The following TIAM1 variants were observed in gnomAD, a reference collection of about 807,000 sequenced individuals.
The protein encoded by TIAM1 is rho guanine nucleotide exchange factor TIAM1.
TIAM1 carries 65 observed loss-of-function variants against 163.5 expected under a neutral mutation model. The ratio of observed to expected loss-of-function variants is 0.40; its 90% CI spans 0.33 to 0.49. TIAM1 has a LOEUF of 0.49. Among genes scored for constraint, TIAM1 ranks in the 20% least tolerant of loss-of-function variants. The pLI is 0.77. For synonymous variants in TIAM1, 833 were observed against 810.1 expected, an observed-to-expected ratio of 1.03 and a Z score of -0.48; for missense variants, 1,789 against 2,044.7, an observed-to-expected ratio of 0.87 and a Z score of 2.41.
chr21:31,506,299 T>C (rs1231639643), intron 1 of TIAM1, among the ~76,000 whole-genome samples: 1 of 150,114 alleles, frequency 6.7e-6, no homozygotes, highest in African/African-American at 2.4e-5. Flanking sequence ...TCTGCATCTT[T>C]TTCCTCCCTT....
chr21:31,546,004 G>C (rs1007470351), intron 1 of TIAM1, among the ~76,000 whole-genome samples: 2 of 151,844 alleles, frequency 1.3e-5, no homozygotes, highest in Admixed American at 1.3e-4. Context: ...TTCAAAGTTA[G>C]AGAAAATCAT....
At chr21:31,414,839 C>A (rs570900284) in intron 2 of TIAM1, among the ~76,000 whole-genome samples, 1 of 152,186 alleles carries the variant, frequency 6.6e-6, no homozygotes, top group African/African-American at 2.4e-5. Context: ...GTCAACCAAA[C>A]GAAGAGAGTC....
At chr21:31,251,638 G>C in intron 5 of TIAM1, 104 bp downstream of exon 5, 6 of 1,198,768 alleles carry the variant, frequency 5.0e-6, no homozygotes, top group Non-Finnish European at 7.0e-6. Flanking sequence ...TTCAAATTCT[G>C]TATAACAACA....
intron 2 of TIAM1, among the ~76,000 whole-genome samples, chr21:31,322,582 A>G (rs997380545): frequency 1.4e-4 from 22 of 152,080 alleles, no homozygotes; most frequent in Non-Finnish European, 3.1e-4. Flanking sequence ...TCCTGAACCC[A>G]GTCTCTTGGC....
intron 9 of TIAM1, among the ~76,000 whole-genome samples, chr21:31,215,658 T>C (rs1245620438): frequency 6.6e-6 from 1 of 152,100 alleles, no homozygotes; most frequent in Non-Finnish European, 1.5e-5. Flanking sequence ...AAGTCTCTTT[T>C]GTTATTTTTC....
At chr21:31,462,247 G>T (rs982044156) in intron 2 of TIAM1, among the ~76,000 whole-genome samples, 2 of 152,148 alleles carry the variant, frequency 1.3e-5, no homozygotes, top group Non-Finnish European at 2.9e-5. Flanking sequence ...GTACACAAAG[G>T]AGTATGGCTG....
At chr21:31,415,813 T>C (rs1026482052) in intron 2 of TIAM1, among the ~76,000 whole-genome samples, 1 of 152,168 alleles carries the variant, frequency 6.6e-6, no homozygotes, top group Non-Finnish European at 1.5e-5. Context: ...TCATTCATTT[T>C]TGGCCATGAC....
At chr21:31,492,119 C>CAG (rs962631942) in intron 1 of TIAM1, among the ~76,000 whole-genome samples, 3 of 151,924 alleles carry the variant, frequency 2.0e-5, no homozygotes, top group Non-Finnish European at 4.4e-5. Flanking sequence ...TATGAACACA[C>CAG]AGAGAGAGAG....
chr21:31,327,995 G>T (rs955753716), intron 2 of TIAM1, among the ~76,000 whole-genome samples: 27 of 151,866 alleles, frequency 1.8e-4, no homozygotes, highest in Non-Finnish European at 5.9e-5. Flanking sequence ...CATCTCCTTG[G>T]CTCTCCCACT....
chr21:31,288,416 T>C (rs1043282584), intron 2 of TIAM1, among the ~76,000 whole-genome samples: 14 of 152,158 alleles, frequency 9.2e-5, no homozygotes, highest in African/African-American at 3.4e-4. Context: ...GATGAGGGCC[T>C]GTTCCTCACA....
chr21:31,426,910 T>G (rs2043813438), intron 2 of TIAM1, among the ~76,000 whole-genome samples: 1 of 152,122 alleles, frequency 6.6e-6, no homozygotes, highest in South Asian at 2.1e-4. Flanking sequence ...GTGGGTGTTT[T>G]TAGTTTTTAT....
At chr21:31,414,696 C>T (rs1453172046) in intron 2 of TIAM1, among the ~76,000 whole-genome samples, 3 of 152,164 alleles carry the variant, frequency 2.0e-5, no homozygotes, top group Non-Finnish European at 4.4e-5. Flanking sequence ...GGCAGTTGGA[C>T]CCGAACCATA....
Position 31,120,969 on chromosome 21 carries a change from G to A in TIAM1, c.4307-132C>T. ...ATTGAATGCCTTGATGTCTTTTGGG[G>A]CTTAAAGTCTACATATCACCAATCT... is the stretch of plus-strand genomic sequence containing the variant. On this transcript the variant is annotated intron_variant, in intron 27 of 27. Coordinates refer to ENST00000541036, the MANE Select transcript of TIAM1 (RefSeq NM_001353694.2). This position sits in a 1 kb window ranked among gnomAD's most constrained non-coding sequence, Gnocchi z 4.2. 1 of 811,942 alleles carries A rather than the reference G, an allele frequency of 1.2e-6. No homozygotes were observed. The highest frequency in any genetic ancestry group is 1.9e-6 in the Non-Finnish European group (1 of 529,652). 50.3% of individuals were successfully genotyped at this position (811,942 alleles called of 1,614,324 possible). A position where few individuals can be genotyped will look rare whatever the true frequency, so the allele number is the denominator to read the frequency against.
At chr21:31,439,910 G>A (rs529325009) in intron 2 of TIAM1, among the ~76,000 whole-genome samples, 2 of 152,306 alleles carry the variant, frequency 1.3e-5, no homozygotes, top group African/African-American at 2.4e-5. Flanking sequence ...AACAGCTAGT[G>A]TAGAACAAAC....
chr21:31,421,617 G>C (rs915845061), intron 2 of TIAM1, among the ~76,000 whole-genome samples: 3 of 152,140 alleles, frequency 2.0e-5, no homozygotes, highest in Admixed American at 6.6e-5. Flanking sequence ...TGAAACCTTG[G>C]GTCCGTGGGA....
At chr21:31,277,588 T>TGA (rs972926326) in intron 2 of TIAM1, among the ~76,000 whole-genome samples, 3 of 152,164 alleles carry the variant, frequency 2.0e-5, no homozygotes, top group Non-Finnish European at 4.4e-5. Flanking sequence ...GAGGTTGCAG[T>TGA]GAGCCAAGAT....
intron 2 of TIAM1, among the ~76,000 whole-genome samples, chr21:31,321,294 C>A (rs2075303900): frequency 1.3e-5 from 2 of 152,130 alleles, no homozygotes; most frequent in South Asian, 4.2e-4. Flanking sequence ...TGAGGCCGGT[C>A]CACACTGCCT....
At chr21:31,401,304 C>T (rs909822207) in intron 2 of TIAM1, among the ~76,000 whole-genome samples, 5 of 152,192 alleles carry the variant, frequency 3.3e-5, no homozygotes, top group Non-Finnish European at 7.3e-5. Flanking sequence ...AGCTCTTCAT[C>T]AGCTACAGAT....
chr21:31,247,953 G>A (rs1202873743), intron 5 of TIAM1, among the ~76,000 whole-genome samples: 1 of 152,190 alleles, frequency 6.6e-6, no homozygotes. Context: ...AGGTTCTTAT[G>A]ATGGGGCAAA....
Sources: gnomAD v4.1 joint callset for allele counts (sites outside exome capture counted in the v4.1 genomes callset) on GRCh38, gnomAD v4.1.1 for gene constraint, Gnocchi (gnomAD v3.1) non-coding constraint, MANE v1.5 for transcripts, NCBI Gene and HGNC (gene_info 2026-07-23, HGNC 2026-07-21) for gene names.